The following GOLIM4 variants were observed in gnomAD, a reference collection of about 807,000 sequenced individuals.
GOLIM4 encodes the protein 130 kDa golgi-localized phosphoprotein.
Under a neutral mutation model 107.4 loss-of-function variants are expected in GOLIM4, and 71 were observed. That is an observed-to-expected ratio of 0.66 (90% CI 0.55 to 0.81). The LOEUF is 0.81. Ranked by LOEUF, GOLIM4 falls within the 30% of genes least tolerant of loss-of-function variation. GOLIM4 has a pLI of 0.00. For missense variants in GOLIM4, 830 were observed against 826.1 expected, an observed-to-expected ratio of 1.00 and a Z score of -0.06; for synonymous variants, 327 against 294.8, an observed-to-expected ratio of 1.11 and a Z score of -1.12.
At chr3:168,020,552 G>T (rs928752901) in intron 14 of GOLIM4, among the ~76,000 whole-genome samples, 2 of 152,182 alleles carry the variant, frequency 1.3e-5, no homozygotes, top group African/African-American at 4.8e-5. Flanking sequence ...CAAAGACAAA[G>T]AACTATTTCC....
chr3:168,094,327 A>C (rs573865259), intron 1 of GOLIM4, among the ~76,000 whole-genome samples: 5 of 152,350 alleles, frequency 3.3e-5, no homozygotes, highest in Non-Finnish European at 7.3e-5. Flanking sequence ...TGTGCATGGC[A>C]AAGTGAAAAC....
intron 1 of GOLIM4, among the ~76,000 whole-genome samples, chr3:168,078,382 A>C (rs1398695603): frequency 6.6e-6 from 1 of 152,200 alleles, no homozygotes; most frequent in Non-Finnish European, 1.5e-5. Flanking sequence ...CCCTTTTGCC[A>C]TTTATCTATA....
At chr3:168,044,181 T>C (rs1384553100) in intron 4 of GOLIM4, among the ~76,000 whole-genome samples, 1 of 152,146 alleles carries the variant, frequency 6.6e-6, no homozygotes, top group African/African-American at 2.4e-5. Flanking sequence ...CAATAAAAAG[T>C]GCATGCCCTA....
chr3:168,037,067 G>T, intron 7 of GOLIM4, 73 bp from the exon 8 acceptor site: 1 of 669,180 alleles, frequency 1.5e-6, no homozygotes, highest in Non-Finnish European at 2.4e-6. Flanking sequence ...TGGGTACACT[G>T]TAAAACTAGA....
intron 1 of GOLIM4, among the ~76,000 whole-genome samples, chr3:168,074,240 A>C (rs1305560886): frequency 6.6e-6 from 1 of 152,206 alleles, no homozygotes; most frequent in Non-Finnish European, 1.5e-5. Context: ...CATCCAGATA[A>C]GCTGCTTCTG....
At chr3:168,075,884 T>C (rs546856617) in intron 1 of GOLIM4, among the ~76,000 whole-genome samples, 6 of 152,268 alleles carry the variant, frequency 3.9e-5, no homozygotes, top group African/African-American at 9.6e-5. Flanking sequence ...AAATTGCTAT[T>C]TGGTGATCTT....
intron 1 of GOLIM4, among the ~76,000 whole-genome samples, chr3:168,094,294 G>A (rs1722048562): frequency 6.6e-6 from 1 of 152,196 alleles, no homozygotes; most frequent in African/African-American, 2.4e-5. Context: ...TTCTTCTACA[G>A]GTCTTGCTCA....
chr3:168,089,716 G>A (rs1030186853), intron 1 of GOLIM4, among the ~76,000 whole-genome samples: 3 of 151,336 alleles, frequency 2.0e-5, no homozygotes, highest in Non-Finnish European at 4.4e-5. Context: ...GGCACCAGAC[G>A]CTGGAGATGA....
intron 1 of GOLIM4, among the ~76,000 whole-genome samples, chr3:168,089,469 T>G (rs1721788151): frequency 6.6e-6 from 1 of 152,210 alleles, no homozygotes; most frequent in Non-Finnish European, 1.5e-5. Flanking sequence ...ACACTATTGA[T>G]TCTCAAGATA....
At chr3:168,039,831 A>C (rs12630778) in intron 7 of GOLIM4, among the ~76,000 whole-genome samples, 40,354 of 152,056 alleles carry the variant, frequency 0.27, 5,646 homozygotes, top group African/African-American at 0.31. Flanking sequence ...CCCTGACGTC[A>C]ATTTCATTTA....
intron 3 of GOLIM4, among the ~76,000 whole-genome samples, chr3:168,046,093 A>T (rs1719287991): frequency 6.6e-6 from 1 of 152,142 alleles, no homozygotes; most frequent in African/African-American, 2.4e-5. Flanking sequence ...GGCTGGTCTC[A>T]AACTCCTGGC....
intron 1 of GOLIM4, among the ~76,000 whole-genome samples, chr3:168,061,944 T>C (rs1720297650): frequency 6.6e-6 from 1 of 152,204 alleles, no homozygotes; most frequent in South Asian, 2.1e-4. Context: ...ATTGAGCTGT[T>C]TACTTATGAT....
chr3:168,012,173 C>T (rs1170877403), intron 14 of GOLIM4, among the ~76,000 whole-genome samples: 1 of 127,622 alleles, frequency 7.8e-6, no homozygotes, highest in Non-Finnish European at 1.5e-5. Flanking sequence ...ACTAGAATAA[C>T]CAATACAGAG....
At chr3:168,063,135 C>T (rs1720357474) in intron 1 of GOLIM4, among the ~76,000 whole-genome samples, 1 of 152,156 alleles carries the variant, frequency 6.6e-6, no homozygotes, top group Non-Finnish European at 1.5e-5. Flanking sequence ...ACCTCTAACT[C>T]TTCCTAGAAT....
rs190787368 is a variant in GOLIM4, at chr3:168,055,626, G to A, written c.188-7261C>T. Reference sequence around the variant, plus strand: ...ATCCTGGCTAACATGGTAAAACCCCGTCTCTACTAAAAATACAAAAAAAAC... The same window carrying A: ...ATCCTGGCTAACATGGTAAAACCCCATCTCTACTAAAAATACAAAAAAAAC... On this transcript the variant is annotated intron_variant, in intron 1 of 15. Coordinates refer to ENST00000470487, the MANE Select transcript of GOLIM4 (RefSeq NM_014498.5). Among the ~76,000 whole-genome samples the A allele has an allele frequency of 5.3e-5, 8 of 151,986 alleles. No individual in the cohort carries two copies. The East Asian group carries it at 5.8e-4, about 11-fold the overall frequency.
At chr3:168,050,885 A>G (rs1268841003) in intron 1 of GOLIM4, among the ~76,000 whole-genome samples, 1 of 150,000 alleles carries the variant, frequency 6.7e-6, no homozygotes, top group African/African-American at 2.5e-5. Flanking sequence ...CTAGCAGCAT[A>G]GTCAAGAAAA....
Position 168,046,964 on chromosome 3 carries a change from A to C in GOLIM4, c.298T>G (p.Leu100Val). Residue 100 changes from leucine to valine, a missense_variant, in exon 3 of 16, where the codon TTA becomes GTA. Transcript: ENST00000470487. The stretch of plus-strand genomic sequence containing the variant: ...ACAAAACTTACCCTTCCTTTATTTA[A>C]TGTTTCTTGTGCTTCTAACTTATAA... The part of the protein sequence containing the change: ...LVYKLEAQET[L>V]NKGRQDSNSR... 1 of 1,365,882 alleles carries C rather than the reference A, an allele frequency of 7.3e-7. No homozygotes were observed. Among genetic ancestry groups the C allele is most frequent in the Non-Finnish European group, 1.0e-6 (1 of 995,624 alleles). 84.6% of individuals were successfully genotyped at this position (1,365,882 alleles called of 1,614,324 possible).
intron 1 of GOLIM4, among the ~76,000 whole-genome samples, chr3:168,050,852 AATAATAAT>A (rs1339108239): frequency 3.4e-5 from 5 of 148,136 alleles, no homozygotes; most frequent in African/African-American, 1.2e-4. Context: ...TAATAATAAT[AATAATAAT>A]AATAATAATA....
At chr3:168,067,594 T>C (rs1051215970) in intron 1 of GOLIM4, among the ~76,000 whole-genome samples, 1 of 151,820 alleles carries the variant, frequency 6.6e-6, no homozygotes, top group South Asian at 2.1e-4. Flanking sequence ...TATTTTATTC[T>C]GTGTATTTTG....
Sources: allele counts gnomAD v4.1 joint callset (sites outside exome capture counted in the v4.1 genomes callset), GRCh38; gene constraint gnomAD v4.1.1; transcripts MANE v1.5; gene names NCBI Gene and HGNC (gene_info 2026-07-23, HGNC 2026-07-21).